The following CEP290 variants were observed in gnomAD, a reference collection of about 807,000 sequenced individuals.
CEP290 encodes the protein centrosomal protein of 290 kDa.
A neutral mutation model predicts 344.9 loss-of-function variants in CEP290; 317 were observed. That is an observed-to-expected ratio of 0.92 (90% CI 0.84 to 1.01). The LOEUF (loss-of-function observed/expected upper bound fraction) is 1.01, where lower values mean the gene tolerates loss of function less well. CEP290 is among the 50% of genes least tolerant of loss of function. The pLI is 0.00. For missense variants in CEP290, 2,754 were observed against 2,761.4 expected, an observed-to-expected ratio of 1.00 and a Z score of 0.06; for synonymous variants, 932 against 895.8, an observed-to-expected ratio of 1.04 and a Z score of -0.72.
At position 88,084,712 on chromosome 12, in the gene CEP290, C is replaced by G. The variant is rs775294433; in HGVS notation, c.4578G>C (p.Glu1526Asp). 1 of 1,613,758 alleles carries G rather than the reference C, an allele frequency of 6.2e-7. No individual in the cohort carries two copies. The highest frequency in any genetic ancestry group is 1.3e-5 in the African/African-American group (1 of 75,046). Residue 1526 changes from glutamate (E) to aspartate (D), a missense_variant, in exon 35 of 54, where the codon GAG becomes GAC. Physicochemically the swap from Glu to Asp is conservative, Grantham distance 45. Transcript: ENST00000552810. The stretch of plus-strand genomic sequence containing the variant: ...ATGTGTGGTGAGATTTTGGTTCCAT[C>G]TCTTTTCTGCCTAGCTCAGCTATGA... ...EKLIAELGRKEMEPKSHHTLK... is the reference protein window; with the variant it reads ...EKLIAELGRKDMEPKSHHTLK...
chr12:88,110,739 A>T (rs540469885), intron 22 of CEP290, among the ~76,000 whole-genome samples: 1 of 152,260 alleles, frequency 6.6e-6, no homozygotes, highest in East Asian at 1.9e-4. Context: ...TTGTGAATGC[A>T]AAAAGGGGAA....
rs2036831328 is a variant in CEP290 at position 88,089,262 on chromosome 12, T to C, written c.3799A>G (p.Ile1267Val). 2 of 1,614,008 alleles carry C rather than the reference T, an allele frequency of 1.2e-6. No individual in the cohort carries two copies. Among genetic ancestry groups the C allele is most frequent in the Non-Finnish European group, 8.5e-7 (1 of 1,179,876 alleles). ...CTAAACTGTCGTCGTAGAGACTGAA[T>C]TGTTTGGCGCAGATGTTTTGCTCTG... ...RNRAKHLRQTIQSLRRQFSGA... is the reference protein window; with the variant it reads ...RNRAKHLRQTVQSLRRQFSGA... The change falls in exon 31 of 54, where the codon ATT becomes GTT. Residue 1267 changes from isoleucine to valine, a missense_variant. Coordinates refer to ENST00000552810, the MANE Select transcript of CEP290 (RefSeq NM_025114.4).
chr12:88,100,276 A>T (rs2037775455), intron 26 of CEP290, among the ~76,000 whole-genome samples: 1 of 152,054 alleles, frequency 6.6e-6, no homozygotes, highest in South Asian at 2.1e-4. Flanking sequence ...TTTCAAAAAA[A>T]AAAACAACAA....
intron 6 of CEP290, among the ~76,000 whole-genome samples, chr12:88,131,709 A>AG (rs1313429632): frequency 6.6e-6 from 1 of 152,208 alleles, no homozygotes. Context: ...TCAAAACTTA[A>AG]GGATTTAAGG....
chr12:88,126,903 T>C (rs893939528), intron 11 of CEP290, among the ~76,000 whole-genome samples: 1 of 152,134 alleles, frequency 6.6e-6, no homozygotes, highest in African/African-American at 2.4e-5. Context: ...AAACAATTTA[T>C]AACTTTAACA....
rs1414041522 is a variant in CEP290, at chr12:88,054,380, C to G, written c.6994G>C (p.Glu2332Gln). 1 of 1,611,592 alleles carries G rather than the reference C, an allele frequency of 6.2e-7. No homozygotes were observed. Among genetic ancestry groups the G allele is most frequent in the Non-Finnish European group, 8.5e-7 (1 of 1,178,698 alleles). ...TCCCGTTTAAGGCCTTGCTCTGTCT[C>G]AGCACCTTCAGGAACATGTTTAAGA... ...KILKHVPEGA[E>Q]TEQGLKRELQ... The change falls in exon 51 of 54, where the codon GAG becomes CAG. Residue 2332 changes from glutamate (E) to glutamine (Q), a missense_variant. Transcript: ENST00000552810.
At chr12:88,071,610 A>G (rs921953578) in intron 42 of CEP290, among the ~76,000 whole-genome samples, 161 bp from the exon 43 acceptor site, 3 of 152,168 alleles carry the variant, frequency 2.0e-5, no homozygotes, top group Admixed American at 6.5e-5. Flanking sequence ...AATTGTTACA[A>G]TATATTTAAA....
At chr12:88,097,106 C>A (rs1341442696) in intron 26 of CEP290, 107 bp from the exon 27 acceptor site, 2 of 633,278 alleles carry the variant, frequency 3.2e-6, no homozygotes, top group East Asian at 3.0e-5. Flanking sequence ...ACTCACAATC[C>A]AGTTTTTTAC....
intron 52 of CEP290, among the ~76,000 whole-genome samples, chr12:88,051,398 C>T (rs1246188034): frequency 6.6e-6 from 1 of 151,906 alleles, no homozygotes; most frequent in Non-Finnish European, 1.5e-5. Flanking sequence ...AGGGTTTCAC[C>T]ATGTTGGCCA....
At chr12:88,118,066 T>C (rs2039163511) in intron 17 of CEP290, among the ~76,000 whole-genome samples, 1 of 151,276 alleles carries the variant, frequency 6.6e-6, no homozygotes. Flanking sequence ...ATAATAATAA[T>C]AACTTACAAG....
chr12:88,086,503 A>T lies in CEP290; in HGVS notation c.4195-5T>A, dbSNP rs1014066992. On this transcript the variant is annotated splice_region_variant and splice_polypyrimidine_tract_variant and intron_variant, in intron 32 of 53. Transcript: ENST00000552810. ...CATTTGTCTTTCTTCATGAAACTAA[A>T]AAAAGGACAATTTGTGTCAGACACA... 2 of 1,576,674 alleles carry T rather than the reference A, an allele frequency of 1.3e-6. No individual in the cohort carries two copies. The highest frequency in any genetic ancestry group is 2.7e-5 in the African/African-American group (2 of 74,418).
intron 20 of CEP290, among the ~76,000 whole-genome samples, chr12:88,113,739 A>C (rs1222447558): frequency 6.6e-6 from 1 of 152,000 alleles, no homozygotes; most frequent in African/African-American, 2.4e-5. Context: ...CCTATATGGT[A>C]AATATATATA....
Position 88,080,174 on chromosome 12 carries a change from T to TG in CEP290, c.5226+7_5226+8insC. 2.6e-6 allele frequency: 4 copies of TG among 1,565,706 alleles called. No individual in the cohort carries two copies. The Admixed American group carries it at 7.5e-5, about 29-fold the overall frequency. ...CCTAAATGTTGATAATTTTCTGTTG[T>TG]TACTTACTTTCTGTTGTTTCTCCTT... On this transcript the variant is annotated splice_region_variant and intron_variant, in intron 38 of 53. Coordinates refer to ENST00000552810, the MANE Select transcript of CEP290 (RefSeq NM_025114.4).
In CEP290 at chr12:88,068,577, TC is replaced by T. The variant is rs2136911634; in HGVS notation, c.6079del (p.Glu2027LysfsTer6). The T allele has an allele frequency of 6.3e-7, 1 of 1,590,174 alleles. No individual in the cohort carries two copies. Among genetic ancestry groups the T allele is most frequent in the Non-Finnish European group, 8.5e-7 (1 of 1,170,378 alleles). ...DLHLQNRYLQ[E>X]KLHALEKQFS... Reference sequence around the variant, plus strand: ...CTGTTTTTCTAAAGCATGAAGTTTTTCTTGGAGGTATCTATTTTGTAAATGT... The same window carrying T: ...CTGTTTTTCTAAAGCATGAAGTTTTTTTGGAGGTATCTATTTTGTAAATGT... On this transcript the variant is annotated frameshift_variant, in exon 44 of 54. Transcript: ENST00000552810. LOFTEE classifies it high-confidence loss of function.
intron 26 of CEP290, among the ~76,000 whole-genome samples, chr12:88,098,473 A>G (rs925059030): frequency 4.6e-5 from 7 of 151,918 alleles, no homozygotes; most frequent in Admixed American, 2.6e-4. Flanking sequence ...TTAGCTGAGC[A>G]TGGTGATGCA....
intron 26 of CEP290, among the ~76,000 whole-genome samples, chr12:88,097,698 T>C (rs2037543636): frequency 6.6e-6 from 1 of 151,950 alleles, no homozygotes; most frequent in Admixed American, 6.6e-5. Context: ...TTATCCAATA[T>C]ACGGCCTCAA....
chr12:88,111,723 A>C lies in CEP290; in HGVS notation c.2188T>G (p.Ser730Ala), dbSNP rs2038704452. ...AAATTAGCTTTTGCCAACTGCTGTG[A>C]ATAATTTATAGCCTCTTTCCGAGAT... ...RESRKEAINY[S>A]QQLAKANLKI... The change falls in exon 21 of 54, where the codon TCA (serine) becomes GCA (alanine). Residue 730 changes from serine to alanine, a missense_variant. Ser to Ala is a moderately conservative substitution (Grantham distance 99). Transcript: ENST00000552810. 4.4e-6 allele frequency: 7 copies of C among 1,597,186 alleles called. No individual in the cohort carries two copies. Among genetic ancestry groups the C allele is most frequent in the Non-Finnish European group, 6.0e-6 (7 of 1,174,092 alleles).
At chr12:88,107,599 G>C (rs1400576796) in intron 23 of CEP290, among the ~76,000 whole-genome samples, 2 of 150,542 alleles carry the variant, frequency 1.3e-5, no homozygotes, top group Non-Finnish European at 3.0e-5. Context: ...TAAATTTTAA[G>C]TGTTCTTAGT....
chr12:88,067,257 A>C (rs1162924498), intron 44 of CEP290, among the ~76,000 whole-genome samples: 2 of 152,080 alleles, frequency 1.3e-5, no homozygotes, highest in Non-Finnish European at 2.9e-5. Context: ...ATATTCACTA[A>C]TTTTTGTAGG....
Sources: gnomAD v4.1 joint callset for allele counts (sites outside exome capture counted in the v4.1 genomes callset) on GRCh38, gnomAD v4.1.1 for gene constraint, MANE v1.5 for transcripts, NCBI Gene and HGNC (gene_info 2026-07-23, HGNC 2026-07-21) for gene names.